The following RBFOX1 variants were observed in gnomAD, a reference collection of about 807,000 sequenced individuals.
The protein encoded by RBFOX1 is RNA binding protein fox-1 homolog 1.
RBFOX1 carries 8 observed loss-of-function variants against 57.7 expected under a neutral mutation model. The ratio of observed to expected loss-of-function variants is 0.14; its 90% CI spans 0.08 to 0.25. The LOEUF (loss-of-function observed/expected upper bound fraction) is 0.25, where lower values mean the gene tolerates loss of function less well. Ranked by LOEUF, RBFOX1 falls within the 10% of genes least tolerant of loss-of-function variation. RBFOX1 has a pLI of 1.00. For synonymous variants in RBFOX1, 326 were observed against 222.4 expected (o/e 1.47, Z -4.15); for missense variants, 611 against 548.5 (o/e 1.11, Z -1.14).
At chr16:6,515,131 T>C (rs1443617754) in intron 2 of RBFOX1, among the ~76,000 whole-genome samples, 2 of 152,204 alleles carry the variant, frequency 1.3e-5, no homozygotes, top group African/African-American at 4.8e-5. Context: ...GGTTTACTTA[T>C]GTGCTAAGTC....
At chr16:6,686,974 A>G (rs2059526285) in intron 3 of RBFOX1, among the ~76,000 whole-genome samples, 2 of 152,316 alleles carry the variant, frequency 1.3e-5, no homozygotes, top group East Asian at 1.9e-4. Context: ...GAAAATACTC[A>G]TTATATATAA....
chr16:6,510,990 A>T (rs950526396), intron 2 of RBFOX1, among the ~76,000 whole-genome samples: 1 of 152,324 alleles, frequency 6.6e-6, no homozygotes, highest in East Asian at 1.9e-4. Context: ...GCAGCATCCA[A>T]TGCTGTCACG....
chr16:6,598,192 G>A (rs890770562), intron 2 of RBFOX1, among the ~76,000 whole-genome samples: 1 of 152,192 alleles, frequency 6.6e-6, no homozygotes, highest in East Asian at 1.9e-4. Context: ...TCATAAATAT[G>A]TAGGGTTTTT....
rs1335407577 is a variant in RBFOX1, at chr16:7,507,586, C to T, written c.28-10561C>T. On this transcript the variant is annotated intron_variant, in intron 4 of 15. Coordinates refer to ENST00000550418, the MANE Select transcript of RBFOX1 (RefSeq NM_018723.4). ...CTTTCTTTTTTTTTTTTTTTTGAGACGGAGTCTTGCTGTGTCACCCAGGCT... is the reference window on the plus strand; with the variant it reads ...CTTTCTTTTTTTTTTTTTTTTGAGATGGAGTCTTGCTGTGTCACCCAGGCT... Among the ~76,000 whole-genome samples, 5 of 64,970 alleles carry T rather than the reference C, an allele frequency of 7.7e-5. No homozygotes were observed. The East Asian group carries it at 8.0e-4, about 10-fold the overall frequency. 42.6% of individuals were successfully genotyped at this position (64,970 alleles called of 152,430 possible). A position where few individuals can be genotyped will look rare whatever the true frequency, so the allele number is the denominator to read the frequency against.
chr16:7,328,965 CT>C (rs35960903), intron 4 of RBFOX1, among the ~76,000 whole-genome samples: 1 of 152,056 alleles, frequency 6.6e-6, no homozygotes, highest in African/African-American at 2.4e-5. Context: ...TGGCTGGAAA[CT>C]TTTTTTAAAA....
chr16:6,896,970 C>T (rs181293271), intron 3 of RBFOX1, among the ~76,000 whole-genome samples: 1 of 152,062 alleles, frequency 6.6e-6, no homozygotes, highest in East Asian at 1.9e-4. Context: ...GCTGACAGGC[C>T]GTCTAAGGAA....
rs539281119 is a variant in RBFOX1, at chr16:6,899,782, T to C, written c.-15-152275T>C. Among the ~76,000 whole-genome samples, 166 of 152,338 alleles carry C rather than the reference T, an allele frequency of 1.1e-3. 6 individuals are homozygous for C. The South Asian group carries it at 0.033, about 31-fold the overall frequency. ...ATGAATGAAGTACATCATACTTACA[T>C]ATTTGAAGTATGGACACCTTTTCAT... is the stretch of plus-strand genomic sequence containing the variant. On this transcript the variant is annotated intron_variant, in intron 3 of 15. Transcript: ENST00000550418.
At chr16:5,933,776 GTGTTTTTTTT>G (rs1026160851) in intron 4 of RBFOX1, among the ~76,000 whole-genome samples, 5 of 145,512 alleles carry the variant, frequency 3.4e-5, no homozygotes, top group African/African-American at 7.4e-5. Context: ...TGGCCACAAG[GTGTTTTTTTT>G]TGTTTTTTTT....
chr16:6,555,977 C>G (rs1465848137), intron 2 of RBFOX1, among the ~76,000 whole-genome samples: 4 of 152,074 alleles, frequency 2.6e-5, no homozygotes, highest in African/African-American at 9.7e-5. Context: ...GAAAGGGGTT[C>G]TTTATTGGAA....
At chr16:6,626,635 C>G (rs115993776) in intron 2 of RBFOX1, among the ~76,000 whole-genome samples, 2,038 of 152,158 alleles carry the variant, frequency 0.013, 58 homozygotes, top group African/African-American at 0.045. Context: ...TGGTGCGCAC[C>G]TGTAATCGCA....
At chr16:7,648,427 G>C (rs1032880927) in intron 11 of RBFOX1, among the ~76,000 whole-genome samples, 4 of 152,052 alleles carry the variant, frequency 2.6e-5, no homozygotes, top group Non-Finnish European at 5.9e-5. Context: ...GTTACATCAT[G>C]TTTCCCAGGA....
intron 3 of RBFOX1, among the ~76,000 whole-genome samples, chr16:6,934,075 C>T (rs558867888): frequency 1.4e-4 from 21 of 152,270 alleles, no homozygotes; most frequent in African/African-American, 3.9e-4. Context: ...GGTAGGCGTA[C>T]GACAGCAGCA....
chr16:6,133,480 C>A (rs1368710569), intron 1 of RBFOX1, among the ~76,000 whole-genome samples: 2 of 152,134 alleles, frequency 1.3e-5, no homozygotes, highest in African/African-American at 4.8e-5. Context: ...CAGTGCACCA[C>A]CCTGATTTAA....
At chr16:7,338,438 C>G (rs1218742371) in intron 4 of RBFOX1, among the ~76,000 whole-genome samples, 2 of 152,176 alleles carry the variant, frequency 1.3e-5, no homozygotes, top group Non-Finnish European at 2.9e-5. Flanking sequence ...CTCTGTCACT[C>G]AGACTGGAGT....
chr16:7,268,104 G>A (rs1438331833), intron 4 of RBFOX1, among the ~76,000 whole-genome samples: 1 of 152,134 alleles, frequency 6.6e-6, no homozygotes, highest in East Asian at 1.9e-4. Flanking sequence ...GCTGAATATG[G>A]TAGGCATGTG....
intron 5 of RBFOX1, among the ~76,000 whole-genome samples, chr16:7,569,644 T>A (rs2092564378): frequency 1.3e-5 from 2 of 152,208 alleles, no homozygotes; most frequent in African/African-American, 4.8e-5. Flanking sequence ...TTAACATCTT[T>A]AAGGGGTCAT....
chr16:7,683,450 G>A (rs2075365512), intron 14 of RBFOX1, among the ~76,000 whole-genome samples: 1 of 151,944 alleles, frequency 6.6e-6, no homozygotes, highest in East Asian at 1.9e-4. Context: ...ACTATTGGAT[G>A]AATATGTAAT....
intron 2 of RBFOX1, among the ~76,000 whole-genome samples, chr16:6,470,116 A>C (rs2095140289): frequency 6.6e-6 from 1 of 152,188 alleles, no homozygotes; most frequent in East Asian, 1.9e-4. Context: ...TCATTCATTT[A>C]AAATAGAGTA....
intron 3 of RBFOX1, among the ~76,000 whole-genome samples, chr16:5,611,937 G>A (rs927389633): frequency 4.6e-5 from 7 of 151,644 alleles, no homozygotes; most frequent in African/African-American, 1.7e-4. Context: ...ACAAGCCTGG[G>A]CAACACAGTG....
Sources: gnomAD v4.1 joint callset for allele counts (sites outside exome capture counted in the v4.1 genomes callset) on GRCh38, gnomAD v4.1.1 for gene constraint, MANE v1.5 for transcripts, NCBI Gene and HGNC (gene_info 2026-07-23, HGNC 2026-07-21) for gene names.